The following C16orf95 variants were observed in gnomAD, a reference collection of about 807,000 sequenced individuals.
C16orf95 encodes the protein uncharacterized protein C16orf95.
Under a neutral mutation model 32.1 loss-of-function variants are expected in C16orf95, and 41 were observed. The observed-to-expected ratio is 1.28, with a 90% CI of 1.00 to 1.66. The LOEUF (loss-of-function observed/expected upper bound fraction) is 1.66, where lower values mean the gene tolerates loss of function less well. C16orf95 is among the 40% of genes most tolerant of loss of function. The pLI, the probability that C16orf95 is intolerant of heterozygous loss-of-function variation, is 0.00. For missense variants in C16orf95, 399 were observed against 325.9 expected (o/e 1.22, Z -1.73); for synonymous variants, 147 against 128.9 (o/e 1.14, Z -0.95).
chr16:87,310,910 G>A (rs1332400931), intron 4 of C16orf95, among the ~76,000 whole-genome samples: 3 of 152,278 alleles, frequency 2.0e-5, no homozygotes, highest in Non-Finnish European at 4.4e-5. Context: ...AGAGAGCAGC[G>A]CGGCCCTGCC....
intron 3 of C16orf95, among the ~76,000 whole-genome samples, chr16:87,312,161 T>A (rs1023012552): frequency 5.3e-5 from 8 of 152,110 alleles, no homozygotes; most frequent in Non-Finnish European, 1.0e-4. Flanking sequence ...GACAGGGTGG[T>A]CCCACCTCTC....
chr16:87,310,388 G>T, intron 4 of C16orf95, 55 bp from the exon 5 acceptor site: 1 of 1,521,442 alleles, frequency 6.6e-7, no homozygotes, highest in African/African-American at 1.4e-5. Flanking sequence ...CAAGGGGGAA[G>T]GCCTGGTGAT....
chr16:87,307,999 C>A (rs1911102958), intron 5 of C16orf95, among the ~76,000 whole-genome samples: 1 of 152,056 alleles, frequency 6.6e-6, no homozygotes, highest in Admixed American at 6.6e-5. Flanking sequence ...CAGAAAGAGC[C>A]AAATCAGGAC....
At chr16:87,309,599 G>C (rs958605997) in intron 5 of C16orf95, among the ~76,000 whole-genome samples, 2 of 151,900 alleles carry the variant, frequency 1.3e-5, no homozygotes, top group Non-Finnish European at 1.5e-5. Context: ...GCCCAGGCTG[G>C]TCTCAAACTC....
chr16:87,317,347 G>T lies in C16orf95; in HGVS notation c.-105C>A, dbSNP rs950066325. The T allele has an allele frequency of 7.0e-7, 1 of 1,428,366 alleles. No homozygotes were observed. The highest frequency in any genetic ancestry group is 9.2e-7 in the Non-Finnish European group (1 of 1,092,094). The allele number at this position is 1,428,366 out of a possible 1,614,324, so 88.5% of individuals were successfully genotyped here. A position where few individuals can be genotyped will look rare whatever the true frequency, so the allele number is the denominator to read the frequency against. ...CTGCCCCAGGAGGAACCCAACCCGA[G>T]CTCAACCCCAGCCCCAACCTCAACC... On this transcript the variant is annotated 5_prime_UTR_variant, in exon 1 of 7. Coordinates refer to ENST00000567970, the MANE Select transcript of C16orf95 (RefSeq NM_001195124.3).
intron 1 of C16orf95, among the ~76,000 whole-genome samples, chr16:87,316,557 G>C (rs1904343848): frequency 6.6e-6 from 1 of 152,122 alleles, no homozygotes; most frequent in South Asian, 2.1e-4. Context: ...AACTCTCCCA[G>C]ATAATGCTTG....
rs1276430311 is a variant in C16orf95, at chr16:87,305,170, G to A, written c.701+549C>T. Among the ~76,000 whole-genome samples the A allele has an allele frequency of 6.6e-6, 1 of 152,198 alleles. No homozygotes were observed. The highest frequency in any genetic ancestry group is 6.5e-5 in the Admixed American group (1 of 15,288). On this transcript the variant is annotated intron_variant, in intron 6 of 6. Transcript: ENST00000567970. This position sits in a 1 kb window ranked among gnomAD's most constrained non-coding sequence, Gnocchi z 4.2. ...TGGCCCCGGAGGCTTCCTGGGGGAG[G>A]TATCCCAGCAGAAAGCCATGGCTGT...
At position 87,305,265 on chromosome 16, in the gene C16orf95, G is replaced by C. The variant is rs914349150; in HGVS notation, c.701+454C>G. Among the ~76,000 whole-genome samples, 1 of 152,152 alleles carries C rather than the reference G, an allele frequency of 6.6e-6. No homozygotes were observed. The highest frequency in any genetic ancestry group is 1.5e-5 in the Non-Finnish European group (1 of 68,016). ...ATAGGGACTAGAGACCAGGGGAAGG[G>C]GCTTTCTAGTATGGAGACTGGCGGC... On this transcript the variant is annotated intron_variant, in intron 6 of 6. Coordinates refer to ENST00000567970, the MANE Select transcript of C16orf95 (RefSeq NM_001195124.3). This position sits in a 1 kb window ranked among gnomAD's most constrained non-coding sequence, Gnocchi z 4.2.
At chr16:87,310,493 C>T (rs1160709797) in intron 4 of C16orf95, among the ~76,000 whole-genome samples, 160 bp from the exon 5 acceptor site, 1 of 152,164 alleles carries the variant, frequency 6.6e-6, no homozygotes, top group Non-Finnish European at 1.5e-5. Context: ...TCTCTGAGGA[C>T]AGCCTGCCAC....
intron 6 of C16orf95, among the ~76,000 whole-genome samples, chr16:87,304,671 G>A (rs986433917): frequency 1.3e-5 from 2 of 152,134 alleles, no homozygotes; most frequent in Non-Finnish European, 2.9e-5. Flanking sequence ...CCCGTACCCC[G>A]ATGCACATCA....
In C16orf95 at chr16:87,311,148, A is replaced by G; in HGVS notation, c.477+2T>C. The G allele has an allele frequency of 2.0e-6, 3 of 1,519,452 alleles. No individual in the cohort carries two copies. The highest frequency in any genetic ancestry group is 2.6e-6 in the Non-Finnish European group (3 of 1,135,140). 94.1% of individuals were successfully genotyped at this position (1,519,452 alleles called of 1,614,324 possible). ...TCACTGCAGTGTGCGCCTCCTCCTTACCTGCTGCTGAGACCTCAGGACCTG... is the reference window on the plus strand; with the variant it reads ...TCACTGCAGTGTGCGCCTCCTCCTTGCCTGCTGCTGAGACCTCAGGACCTG... On this transcript the variant is annotated splice_donor_variant, in intron 4 of 6. Transcript: ENST00000567970. LOFTEE classifies it high-confidence loss of function.
chr16:87,312,550 C>A (rs147509274), intron 3 of C16orf95, among the ~76,000 whole-genome samples: 1,471 of 123,740 alleles, frequency 0.012, 11 homozygotes, highest in Middle Eastern at 0.071. Context: ...GCCTGAGCAG[C>A]AGAGTGAGAC....
chr16:87,316,930 T>C (rs1250467111), intron 1 of C16orf95, among the ~76,000 whole-genome samples, 161 bp downstream of exon 1: 4 of 152,230 alleles, frequency 2.6e-5, no homozygotes, highest in Admixed American at 2.0e-4. Flanking sequence ...TTTTCAGTTA[T>C]GTGGAACCAT....
In C16orf95 at chr16:87,317,121, A is replaced by C; in HGVS notation, c.122T>G (p.Leu41Trp). 1.3e-6 allele frequency: 2 copies of C among 1,532,412 alleles called. No homozygotes were observed. Among genetic ancestry groups the C allele is most frequent in the Non-Finnish European group, 8.7e-7 (1 of 1,144,780 alleles). The allele number at this position is 1,532,412 out of a possible 1,614,324, so 94.9% of individuals were successfully genotyped here. A position where few individuals can be genotyped will look rare whatever the true frequency, so the allele number is the denominator to read the frequency against. Residue 41 changes from leucine to tryptophan, a missense_variant, in exon 1 of 7, where the codon TTG (leucine) becomes TGG (tryptophan). Physicochemically the swap from Leu to Trp is moderately conservative, Grantham distance 61. Transcript: ENST00000567970. ...PGAGCVGLCR[L>W]ALTPSAQDGR... ...ATCCTGCGCGCTGGGTGTGAGTGCC[A>C]ACCTGCAGAGCCCGACGCACCCCGC...
chr16:87,304,999 A>G (rs1910946736), intron 6 of C16orf95, among the ~76,000 whole-genome samples: 1 of 152,246 alleles, frequency 6.6e-6, no homozygotes, highest in Non-Finnish European at 1.5e-5. Flanking sequence ...AGTGTGATGC[A>G]GGCCCCCAGG....
Position 87,305,966 on chromosome 16 carries a change from A to G in C16orf95, c.515-61T>C, listed in dbSNP as rs953970935. On this transcript the variant is annotated intron_variant, in intron 5 of 6. Transcript: ENST00000567970. The surrounding 1 kb of genome is among the most constrained non-coding windows in gnomAD (Gnocchi z 4.2). ...GTTCTCCGGGACTCTGTGAGCCACGAGGAGGCTGCAACACCAGCCCCAGAG... is the reference window on the plus strand; with the variant it reads ...GTTCTCCGGGACTCTGTGAGCCACGGGGAGGCTGCAACACCAGCCCCAGAG... 6 of 1,293,104 alleles carry G rather than the reference A, an allele frequency of 4.6e-6. No individual in the cohort carries two copies. In the African/African-American group the frequency reaches 7.8e-5, roughly 17 times the overall value. The allele number at this position is 1,293,104 out of a possible 1,614,324, so 80.1% of individuals were successfully genotyped here. A position where few individuals can be genotyped will look rare whatever the true frequency, so the allele number is the denominator to read the frequency against.
chr16:87,314,833 A>G, intron 3 of C16orf95, 138 bp downstream of exon 3: 1 of 873,580 alleles, frequency 1.1e-6, no homozygotes, highest in South Asian at 1.9e-5. Context: ...ATGAAAATAA[A>G]TAAATAAATA....
intron 3 of C16orf95, among the ~76,000 whole-genome samples, chr16:87,313,354 G>A (rs1012183798): frequency 2.6e-5 from 4 of 152,196 alleles, no homozygotes; most frequent in Non-Finnish European, 5.9e-5. Flanking sequence ...AGAGGGTTCA[G>A]AAATAAATTC....
Position 87,305,869 on chromosome 16 carries a change from C to T in C16orf95, c.551G>A (p.Trp184Ter). Residue 184 changes from tryptophan to a stop codon, truncating the protein, a stop_gained, in exon 6 of 7, where the codon TGG becomes TAG. Transcript: ENST00000567970. LOFTEE classifies it high-confidence loss of function. The surrounding 1 kb of genome is among the most constrained non-coding windows in gnomAD (Gnocchi z 4.2). The part of the protein sequence containing the change: ...LLDACCWHNC[W>*]RICGDECLLS... ...CAGGCACTCATCACCGCAGATCCGC[C>T]AGCAGTTGTGCCAGCAGCATGCATC... 1 of 1,445,424 alleles carries T rather than the reference C, an allele frequency of 6.9e-7. No homozygotes were observed. The highest frequency in any genetic ancestry group is 2.8e-5 in the East Asian group (1 of 36,092). 89.5% of individuals were successfully genotyped at this position (1,445,424 alleles called of 1,614,324 possible).
Sources: allele counts gnomAD v4.1 joint callset (sites outside exome capture counted in the v4.1 genomes callset), GRCh38; gene constraint gnomAD v4.1.1; non-coding constraint Gnocchi (gnomAD v3.1); transcripts MANE v1.5; gene names NCBI Gene and HGNC (gene_info 2026-07-23, HGNC 2026-07-21).